Variants in IGFN1 observed in about 807,000 individuals in gnomAD.
IGFN1 encodes immunoglobulin-like and fibronectin type III domain-containing protein 1.
Under a neutral mutation model 289.5 loss-of-function variants are expected in IGFN1, and 253 were observed. That is an observed-to-expected ratio of 0.87 (90% CI 0.79 to 0.97). The LOEUF is 0.97. Among genes scored for constraint, IGFN1 ranks in the 50% least tolerant of loss-of-function variants. IGFN1 has a pLI of 0.00. For missense variants in IGFN1, 4,470 were observed against 4,686.1 expected, an observed-to-expected ratio of 0.95 and a Z score of 1.35; for synonymous variants, 1,706 against 1,788.5, an observed-to-expected ratio of 0.95 and a Z score of 1.16.
chr1:201,206,520 C>A lies in IGFN1; in HGVS notation c.1627C>A (p.Arg543Ser). The A allele has an allele frequency of 1.3e-6, 2 of 1,551,176 alleles. No homozygotes were observed. The highest frequency in any genetic ancestry group is 1.7e-6 in the Non-Finnish European group (2 of 1,146,986). ...CCTCCCAGAAAAACAACAGCAAGAT[C>A]GTGGCAGAGACAGCAACAGTGATGA... is the stretch of plus-strand genomic sequence containing the variant. ...LGLPEKQQQD[R>S]GRDSNSDECW... The change falls in exon 12 of 24, where the codon CGT becomes AGT. Residue 543 changes from arginine to serine, a missense_variant. Arg to Ser is a moderately radical substitution (Grantham distance 110). This residue lies in a region of IGFN1 where 2,011 missense variants were observed against 1,953.4 expected (regional missense o/e 1.03). Coordinates refer to ENST00000335211, the MANE Select transcript of IGFN1 (RefSeq NM_001164586.2).
At chr1:201,203,307 T>C (rs545884203) in intron 9 of IGFN1, among the ~76,000 whole-genome samples, 2 of 152,316 alleles carry the variant, frequency 1.3e-5, no homozygotes, top group African/African-American at 2.4e-5. Context: ...CTGGGTTTCA[T>C]AGAGCCTTAT....
chr1:201,193,648 C>T (rs564538311), intron 2 of IGFN1, among the ~76,000 whole-genome samples: 153 of 152,298 alleles, frequency 1.0e-3, no homozygotes, highest in South Asian at 1.7e-3. Context: ...GGTGGGGTTT[C>T]ACCATGTTGG....
chr1:201,224,721 C>T lies in IGFN1; in HGVS notation c.10333C>T (p.Pro3445Ser), dbSNP rs151317984. 2,982 of 1,614,168 alleles carry T rather than the reference C, an allele frequency of 1.8e-3. 54 individuals are homozygous for T. In the African/African-American group the frequency reaches 0.032, roughly 17 times the overall value. Residue 3445 changes from proline to serine, a missense_variant, in exon 21 of 24, where the codon CCC becomes TCC. By Grantham distance (74) the Pro-to-Ser change is moderately conservative (BLOSUM62 -1). Transcript: ENST00000335211. ...PEVTWLKDGL[P>S]LPKRSVTVTK... is the part of the protein sequence containing the mutation. ...GGTGACCTGGCTGAAGGATGGCTTG[C>T]CCTTGCCCAAAAGAAGTGTGACTGT...
chr1:201,228,339 G>A (rs776771969), intron 23 of IGFN1, 47 bp from the exon 24 acceptor site: 3 of 1,597,856 alleles, frequency 1.9e-6, no homozygotes, highest in East Asian at 2.2e-5. Context: ...GATGCAGGGT[G>A]GGGTGGCTGC....
At chr1:201,221,127 T>A (rs12071532) in intron 18 of IGFN1, among the ~76,000 whole-genome samples, 1,557 of 152,266 alleles carry the variant, frequency 0.01, 26 homozygotes, top group African/African-American at 0.036. Flanking sequence ...CAAGAGGTCA[T>A]CAACTAAAAT....
In IGFN1 at chr1:201,207,738, G is replaced by A. The variant is rs142680800; in HGVS notation, c.2845G>A (p.Gly949Arg). The change falls in exon 12 of 24, where the codon GGG becomes AGG. Residue 949 changes from glycine (G) to arginine (R), a missense_variant. By Grantham distance (125) the Gly-to-Arg change is moderately radical. Transcript: ENST00000335211. ...TGYKDGLEGP[G>R]RMESRYEGGL... The stretch of plus-strand genomic sequence containing the variant: ...CTATAAGGATGGCTTGGAAGGTCCC[G>A]GGAGAATGGAATCTAGGTACGAGGG... 1.4e-4 allele frequency: 212 copies of A among 1,536,916 alleles called. No homozygotes were observed. In the African/African-American group the frequency reaches 1.7e-3, roughly 12 times the overall value.
intron 18 of IGFN1, among the ~76,000 whole-genome samples, chr1:201,220,964 T>G (rs1571490943): frequency 6.6e-6 from 1 of 152,276 alleles, no homozygotes; most frequent in Non-Finnish European, 1.5e-5. Flanking sequence ...CTAAAACCTC[T>G]GTGGGTAGGT....
chr1:201,207,175 G>T lies in IGFN1; in HGVS notation c.2282G>T (p.Arg761Leu). Residue 761 changes from arginine (R) to leucine (L), a missense_variant, in exon 12 of 24, where the codon CGG becomes CTG. Coordinates refer to ENST00000335211, the MANE Select transcript of IGFN1 (RefSeq NM_001164586.2). ...DSLQEADGIC[R>L]GESVVTGSAY... ...CTGCAGGAGGCAGATGGTATATGCC[G>T]GGGGGAGTCTGTAGTTACAGGAAGT... The T allele has an allele frequency of 2.0e-6, 3 of 1,536,806 alleles. No homozygotes were observed. The highest frequency in any genetic ancestry group is 2.6e-6 in the Non-Finnish European group (3 of 1,146,786).
At position 201,208,422 on chromosome 1, in the gene IGFN1, G is replaced by A. The variant is rs913011514; in HGVS notation, c.3529G>A (p.Gly1177Arg). The A allele has an allele frequency of 1.4e-6, 2 of 1,447,164 alleles. No individual in the cohort carries two copies. The highest frequency in any genetic ancestry group is 1.8e-6 in the Non-Finnish European group (2 of 1,107,364). 89.6% of individuals were successfully genotyped at this position (1,447,164 alleles called of 1,614,324 possible). A position where few individuals can be genotyped will look rare whatever the true frequency, so the allele number is the denominator to read the frequency against. ...AAGATGCCCTGGTGCTAAGGCCTCT[G>A]GAGCTGGAGCTGGTTATAGGGATGA... Reference protein sequence around the residue: ...GTRCPGAKASGAGAGYRDDTR... With the variant: ...GTRCPGAKASRAGAGYRDDTR... The change falls in exon 12 of 24, where the codon GGA becomes AGA. Residue 1177 changes from glycine to arginine, a missense_variant. Transcript: ENST00000335211.
chr1:201,208,223 G>A lies in IGFN1; in HGVS notation c.3330G>A (p.Glu1110=), dbSNP rs1202664164. ...VGMGCVEAEP[E]SSGRIRPWGQ... is the part of the protein sequence containing the mutation. ...TGGGATGTGTGGAAGCAGAACCAGA[G>A]AGCTCTGGAAGAATAAGGCCTTGGG... is the stretch of plus-strand genomic sequence containing the variant. The change falls in exon 12 of 24, where the codon GAG becomes GAA. Residue 1110 remains glutamate, a synonymous_variant. Coordinates refer to ENST00000335211, the MANE Select transcript of IGFN1 (RefSeq NM_001164586.2). 1 of 1,536,654 alleles carries A rather than the reference G, an allele frequency of 6.5e-7. No homozygotes were observed. The highest frequency in any genetic ancestry group is 8.7e-7 in the Non-Finnish European group (1 of 1,146,840).
At chr1:201,225,379 T>TA (rs1342261221) in intron 21 of IGFN1, among the ~76,000 whole-genome samples, 1 of 152,176 alleles carries the variant, frequency 6.6e-6, no homozygotes, top group African/African-American at 2.4e-5. Flanking sequence ...CCTTGTCCTG[T>TA]GTCATTTTAC....
At position 201,210,938 on chromosome 1, in the gene IGFN1, T is replaced by C. The variant is rs1338759865; in HGVS notation, c.6045T>C (p.Gly2015=). 10 of 821,306 alleles carry C rather than the reference T, an allele frequency of 1.2e-5. No individual in the cohort carries two copies. Among genetic ancestry groups the C allele is most frequent in the Admixed American group, 3.0e-5 (1 of 32,932 alleles). The allele number at this position is 821,306 out of a possible 1,614,324, so 50.9% of individuals were successfully genotyped here. A position where few individuals can be genotyped will look rare whatever the true frequency, so the allele number is the denominator to read the frequency against. The change falls in exon 12 of 24, where the codon GGT becomes GGC. Residue 2015 remains glycine (G), a synonymous_variant. Transcript: ENST00000335211. ...PEGIGSGSKA[G]FRDGLGGSEE... ...GAATAGGTTCAGGGAGTAAGGCAGG[T>C]TTCAGGGATGGTTTAGGGGGTTCTG...
chr1:201,201,319 C>T (rs1349255291), intron 8 of IGFN1, among the ~76,000 whole-genome samples: 6 of 152,170 alleles, frequency 3.9e-5, no homozygotes, highest in Admixed American at 3.3e-4. Context: ...AGTATCTTAT[C>T]CCCTTGAAAG....
At position 201,214,294 on chromosome 1, in the gene IGFN1, G is replaced by A. The variant is rs765819579; in HGVS notation, c.8846G>A (p.Gly2949Asp). The A allele has an allele frequency of 1.2e-6, 2 of 1,609,398 alleles. No individual in the cohort carries two copies. Among genetic ancestry groups the A allele is most frequent in the Non-Finnish European group, 8.5e-7 (1 of 1,176,614 alleles). The change falls in exon 13 of 24, where the codon GGC becomes GAC. Residue 2949 changes from glycine (G) to aspartate (D), a missense_variant. By Grantham distance (94) the Gly-to-Asp change is moderately conservative. Transcript: ENST00000335211. The part of the protein sequence containing the change: ...DLGPGTWFKD[G>D]VKLTTQDGVI... ...GGACCTGGCACCTGGTTTAAGGATG[G>A]CGTCAAGGTACTGCCTCCCCTCACA...
intron 16 of IGFN1, among the ~76,000 whole-genome samples, 171 bp from the exon 17 acceptor site, chr1:201,217,116 C>T (rs571911909): frequency 6.6e-6 from 1 of 152,254 alleles, no homozygotes; most frequent in South Asian, 2.1e-4. Context: ...CGTTCCTTCC[C>T]TTGAATAGCC....
rs1469394832 is a variant in IGFN1 at position 201,212,615 on chromosome 1, T to A, written c.7722T>A (p.Ser2574=). ...GRVAGQGGLA[S]QGGGDSLLGG... ...TTGCTGGCCAGGGGGGGTTGGCATC[T>A]CAGGGAGGTGGGGACTCACTTTTGG... Residue 2574 remains serine, a synonymous_variant, in exon 12 of 24, where the codon TCT becomes TCA. Transcript: ENST00000335211. 2 of 1,543,854 alleles carry A rather than the reference T, an allele frequency of 1.3e-6. No individual in the cohort carries two copies. The highest frequency in any genetic ancestry group is 1.7e-4 in the Middle Eastern group (1 of 5,950).
rs777338105 is a variant in IGFN1 at position 201,205,279 on chromosome 1, G to C, written c.1114G>C (p.Ala372Pro). 3.2e-6 allele frequency: 5 copies of C among 1,550,720 alleles called. 1 individual carries two copies. The South Asian group carries it at 4.8e-5, about 15-fold the overall frequency. The change falls in exon 11 of 24, where the codon GCA becomes CCA. Residue 372 changes from alanine to proline, a missense_variant. Coordinates refer to ENST00000335211, the MANE Select transcript of IGFN1 (RefSeq NM_001164586.2). ...GACCCACCGGCTGGTGGTGAGGGGGGCACGTTTCTCAGACATGGGCCCCTA... is the reference window on the plus strand; with the variant it reads ...GACCCACCGGCTGGTGGTGAGGGGGCCACGTTTCTCAGACATGGGCCCCTA... ...GLTHRLVVRG[A>P]RFSDMGPYSL...
At chr1:201,206,003 G>A in intron 11 of IGFN1, 80 bp from the exon 12 acceptor site, 1 of 1,063,596 alleles carries the variant, frequency 9.4e-7, no homozygotes, top group South Asian at 1.5e-5. Context: ...GCTTTGGCCG[G>A]ATTTAACAGG....
chr1:201,216,043 G>GT, intron 15 of IGFN1: 1 of 722,448 alleles, frequency 1.4e-6, no homozygotes, highest in Admixed American at 2.0e-5. Flanking sequence ...GGCTCCTGCT[G>GT]GGGGGGAGGA....
Sources: allele counts gnomAD v4.1 joint callset (sites outside exome capture counted in the v4.1 genomes callset), GRCh38; gene constraint gnomAD v4.1.1; regional missense constraint gnomAD v4.1.1; transcripts MANE v1.5; gene names NCBI Gene and HGNC (gene_info 2026-07-23, HGNC 2026-07-21).